GSE1: variants seen among roughly 807,000 people sequenced by gnomAD.
GSE1 encodes genetic suppressor element 1.
A neutral mutation model predicts 112.6 loss-of-function variants in GSE1; 32 were observed. The ratio of observed to expected loss-of-function variants is 0.28; its 90% confidence interval spans 0.21 to 0.38. GSE1 has a LOEUF of 0.38. Ranked by LOEUF, GSE1 falls within the 10% of genes least tolerant of loss-of-function variation. The probability of loss-of-function intolerance (pLI) is 1.00; values close to 1 mark genes in which losing one functional copy is unlikely to be tolerated. For missense variants in GSE1, 2,348 were observed against 1,699.2 expected (o/e 1.38, Z -6.71); for synonymous variants, 1,115 against 735.6 (o/e 1.52, Z -8.35).
chr16:85,600,102 G>C (rs2047397835), intron 1 of GSE1, among the ~76,000 whole-genome samples: 2 of 152,244 alleles, frequency 1.3e-5, no homozygotes, highest in Admixed American at 1.3e-4. Context: ...TGCAGCCAGA[G>C]AGACACGGGG....
intron 3 of GSE1, among the ~76,000 whole-genome samples, chr16:85,653,385 GC>G (rs1175187097): frequency 7.0e-6 from 1 of 142,118 alleles, no homozygotes; most frequent in Non-Finnish European, 1.5e-5. Context: ...GTTTCTCCGG[GC>G]TGGACCCTGC....
rs1376549194 is a variant in GSE1 at position 85,311,160 on chromosome 16, G to C, written c.2284-46303G>C. On this transcript the variant is annotated intron_variant, in intron 1 of 2. Transcript: ENST00000637419. The surrounding 1 kb of genome is among the most constrained non-coding windows in gnomAD (Gnocchi z 4.2). Reference sequence around the variant, plus strand: ...CTCCGTGGGCTGGTCCCAAATTCCAGAGGCCCATCGGATGCCCCTGGTTCC... The same window carrying C: ...CTCCGTGGGCTGGTCCCAAATTCCACAGGCCCATCGGATGCCCCTGGTTCC... 6.6e-6 allele frequency among the ~76,000 whole-genome samples: 1 copy of C among 152,226 alleles called. No individual in the cohort carries two copies. The highest frequency in any genetic ancestry group is 1.5e-5 in the Non-Finnish European group (1 of 68,034).
intron 2 of GSE1, among the ~76,000 whole-genome samples, chr16:85,635,508 CTCTG>C (rs1197992681): frequency 4.0e-5 from 3 of 75,258 alleles, no homozygotes; most frequent in Non-Finnish European, 1.0e-4. Context: ...ATCCTGGACT[CTCTG>C]GGGCGGTGAA....
At chr16:85,624,052 G>A (rs550243394) in intron 1 of GSE1, among the ~76,000 whole-genome samples, 1 of 152,298 alleles carries the variant, frequency 6.6e-6, no homozygotes, top group African/African-American at 2.4e-5. Flanking sequence ...CTCCACACTG[G>A]GGAGAGGAGA....
In GSE1 at chr16:85,651,909, CTTG is replaced by C. The variant is rs952705325; in HGVS notation, c.427-2366_427-2364del. Among the ~76,000 whole-genome samples the C allele has an allele frequency of 1.6e-4, 24 of 152,352 alleles. No homozygotes were observed. In the East Asian group the frequency reaches 1.7e-3, roughly 11 times the overall value. ...GCTGGGGGGCCAGGGGCCACTCCGT[CTTG>C]TTAAGTCCATCCCAGACCCTAGGAA... On this transcript the variant is annotated intron_variant, in intron 3 of 15. Coordinates refer to ENST00000253458, the MANE Select transcript of GSE1 (RefSeq NM_014615.5).
rs569763970 is a variant in GSE1, at chr16:85,656,482, C to G, written c.1129C>G (p.Arg377Gly). 6.5e-7 allele frequency: 1 copy of G among 1,540,780 alleles called. No individual in the cohort carries two copies. The highest frequency in any genetic ancestry group is 1.2e-5 in the South Asian group (1 of 83,732). The change falls in exon 7 of 16, where the codon CGT (arginine) becomes GGT (glycine). Residue 377 changes from arginine to glycine, a missense_variant. By Grantham distance (125) the Arg-to-Gly change is moderately radical. Transcript: ENST00000253458. ...GCGCGAGCAAGAGAAGGAGCGTGAG[C>G]GTGAGAAGGAGCGCGAGCGCGAGCT... ...KEREQEKEREREKERERELER... is the reference protein window; with the variant it reads ...KEREQEKEREGEKERERELER...
chr16:85,313,673 T>C (rs1481374147), intron 1 of GSE1, among the ~76,000 whole-genome samples: 2 of 152,216 alleles, frequency 1.3e-5, no homozygotes, highest in African/African-American at 4.8e-5. Context: ...AGGCCCAAAG[T>C]CTGGGCGGTC....
intron 1 of GSE1, among the ~76,000 whole-genome samples, chr16:85,355,149 G>T (rs1597470088): frequency 6.6e-6 from 1 of 152,296 alleles, no homozygotes; most frequent in East Asian, 1.9e-4. Flanking sequence ...AGCTGGTGGG[G>T]CCTGCGCTTG....
At position 85,519,578 on chromosome 16, in the gene GSE1, A is replaced by ACCATCACCG. The variant is rs1360989506; in HGVS notation, c.2465-114336_2465-114335insCCATCACCG. Among the ~76,000 whole-genome samples the ACCATCACCG allele has an allele frequency of 9.0e-3, 443 of 49,198 alleles. 108 individuals are homozygous for ACCATCACCG. Among genetic ancestry groups the ACCATCACCG allele is most frequent in the Middle Eastern group, 0.017 (1 of 58 alleles). 32.3% of individuals were successfully genotyped at this position (49,198 alleles called of 152,430 possible). A position where few individuals can be genotyped will look rare whatever the true frequency, so the allele number is the denominator to read the frequency against. ...CATCACTATCATCATCACCATCACC[A>ACCATCACCG]GTCTCCATCATCATCACCTTCACCA... On this transcript the variant is annotated intron_variant, in intron 2 of 2. Coordinates refer to the GSE1 transcript ENST00000637419.
At chr16:85,312,278 CCACAAATTGGCGG>C (rs1044916498) in intron 1 of GSE1, among the ~76,000 whole-genome samples, 21 of 148,644 alleles carry the variant, frequency 1.4e-4, no homozygotes, top group African/African-American at 5.1e-4. Context: ...TGACAGTGTG[CCACAAATTGGCGG>C]CTTAAAACAG....
At chr16:85,296,463 C>A (rs918284009) in intron 1 of GSE1, among the ~76,000 whole-genome samples, 1 of 152,000 alleles carries the variant, frequency 6.6e-6, no homozygotes, top group Non-Finnish European at 1.5e-5. Flanking sequence ...AAAAATTAGC[C>A]GGATGTGGTG....
At position 85,661,778 on chromosome 16, in the gene GSE1, G is replaced by A. The variant is rs1351325255; in HGVS notation, c.2260+13G>A. ...GCCCAGGAGAAAGGTCTGCCTCCCC[G>A]CGGGCCCCGAGCTGCTCAGGGAGAG... is the stretch of plus-strand genomic sequence containing the variant. On this transcript the variant is annotated intron_variant, in intron 9 of 15. Transcript: ENST00000253458. 1.0e-5 allele frequency: 15 copies of A among 1,493,306 alleles called. No homozygotes were observed. The Admixed American group carries it at 1.3e-4, about 13-fold the overall frequency. The allele number at this position is 1,493,306 out of a possible 1,614,324, so 92.5% of individuals were successfully genotyped here.
chr16:85,634,014 C>A lies in GSE1; in HGVS notation c.108C>A (p.Gly36=), dbSNP rs538453007. ...VNPLTPSPLN[G]ALVPSGSPAT... The stretch of plus-strand genomic sequence containing the variant: ...CCCTCACCCCCTCGCCGCTCAATGG[C>A]GCCCTGGTGCCCAGCGGCAGCCCCG... Residue 36 remains glycine, a synonymous_variant, in exon 2 of 16, where the codon GGC becomes GGA. Transcript: ENST00000253458. 6.2e-7 allele frequency: 1 copy of A among 1,612,094 alleles called. No individual in the cohort carries two copies.
rs1555556880 is a variant in GSE1, at chr16:85,641,432, C to CCCT, written c.227-7120_227-7119insCCT. Among the ~76,000 whole-genome samples the CCCT allele has an allele frequency of 2.2e-4, 34 of 152,264 alleles. 1 individual carries two copies. The highest frequency in any genetic ancestry group is 7.7e-4 in the African/African-American group (32 of 41,552). On this transcript the variant is annotated intron_variant, in intron 2 of 15. Coordinates refer to ENST00000253458, the MANE Select transcript of GSE1 (RefSeq NM_014615.5). ...CCCGCCACTGGCTGACGCCCCCCCCCGCCCTTTTGCAGCTGTGAGGTGGAG... is the reference window on the plus strand; with the variant it reads ...CCCGCCACTGGCTGACGCCCCCCCCCCCTGCCCTTTTGCAGCTGTGAGGTGGAG...
intron 1 of GSE1, among the ~76,000 whole-genome samples, chr16:85,588,614 C>G (rs953482573): frequency 6.6e-6 from 1 of 152,248 alleles, no homozygotes; most frequent in Non-Finnish European, 1.5e-5. Flanking sequence ...TTGATAGGCC[C>G]TGTCTGTGAC....
intron 1 of GSE1, among the ~76,000 whole-genome samples, chr16:85,177,157 C>T (rs919311505): frequency 2.2e-4 from 33 of 152,316 alleles, no homozygotes; most frequent in African/African-American, 6.5e-4. Context: ...CTTCAAAACT[C>T]GGCCTCCCCT....
At chr16:85,554,725 T>G (rs1185429482), upstream of GSE1, among the ~76,000 whole-genome samples, 4 of 133,438 alleles carry the variant, frequency 3.0e-5, no homozygotes. Flanking sequence ...GGGATTCTCC[T>G]CCCGGGTCCT....
At chr16:85,474,562 G>C (rs1437231592) in intron 2 of GSE1, among the ~76,000 whole-genome samples, 1 of 152,126 alleles carries the variant, frequency 6.6e-6, no homozygotes, top group Non-Finnish European at 1.5e-5. Context: ...CAGCCTTGGG[G>C]AACGTGCTTG....
At chr16:85,193,600 C>T (rs1277476795) in intron 1 of GSE1, among the ~76,000 whole-genome samples, 1 of 152,170 alleles carries the variant, frequency 6.6e-6, no homozygotes, top group African/African-American at 2.4e-5. Context: ...GCTGGGATTA[C>T]AGGCACCCGC....
Sources: gnomAD v4.1 joint callset for allele counts (sites outside exome capture counted in the v4.1 genomes callset) on GRCh38, gnomAD v4.1.1 for gene constraint, Gnocchi (gnomAD v3.1) non-coding constraint, MANE v1.5 for transcripts, NCBI Gene and HGNC (gene_info 2026-07-23, HGNC 2026-07-21) for gene names.